Variants in UGT2A3 observed in about 807,000 individuals in gnomAD.
UGT2A3 encodes UDP-glucuronosyltransferase 2A3.
In UGT2A3, 55 loss-of-function variants were observed where a neutral mutation model predicts 44.1. That is an observed-to-expected ratio of 1.25 (90% CI 1.00 to 1.56). The LOEUF (loss-of-function observed/expected upper bound fraction) is 1.56, where lower values mean the gene tolerates loss of function less well. UGT2A3 is among the 40% of genes most tolerant of loss of function. UGT2A3 has a pLI of 0.00. For missense variants in UGT2A3, 733 were observed against 621.6 expected, an observed-to-expected ratio of 1.18 and a Z score of -1.91; for synonymous variants, 243 against 215.1, an observed-to-expected ratio of 1.13 and a Z score of -1.13.
intron 1 of UGT2A3, among the ~76,000 whole-genome samples, chr4:68,946,896 C>T (rs1481078914): frequency 1.3e-5 from 2 of 151,616 alleles, no homozygotes; most frequent in African/African-American, 2.4e-5. Flanking sequence ...AATATCATCA[C>T]GTTTAAAAAG....
chr4:68,947,519 A>T (rs929507485), intron 1 of UGT2A3, among the ~76,000 whole-genome samples: 4 of 151,730 alleles, frequency 2.6e-5, no homozygotes, highest in Middle Eastern at 3.2e-3. Context: ...TTAGAATCAA[A>T]TTTTTTCCAA....
Position 68,929,619 on chromosome 4 carries a change from G to A in UGT2A3, c.*194C>T. On this transcript the variant is annotated 3_prime_UTR_variant, in exon 6 of 6. Transcript: ENST00000251566. ...CCTTGTGTCACAAAGTGAGAGAAGA[G>A]AGTAAAGACACCTAGGAAAATACAA... 3 of 506,298 alleles carry A rather than the reference G, an allele frequency of 5.9e-6. No individual in the cohort carries two copies. The South Asian group carries it at 1.2e-4, about 20-fold the overall frequency. 31.4% of individuals were successfully genotyped at this position (506,298 alleles called of 1,614,324 possible). A position where few individuals can be genotyped will look rare whatever the true frequency, so the allele number is the denominator to read the frequency against.
chr4:68,948,439 CTTTTTTT>C (rs60082800), intron 1 of UGT2A3, among the ~76,000 whole-genome samples: 5 of 110,150 alleles, frequency 4.5e-5, no homozygotes, highest in African/African-American at 1.6e-4. Context: ...TCTTTTTTTT[CTTTTTTT>C]TTTTTTTTTT....
intron 2 of UGT2A3, among the ~76,000 whole-genome samples, chr4:68,944,341 A>C (rs1038760818): frequency 6.6e-6 from 1 of 151,828 alleles, no homozygotes; most frequent in Non-Finnish European, 1.5e-5. Context: ...AGTATCCCGT[A>C]AGAGGTAGAT....
intron 2 of UGT2A3, chr4:68,943,367 G>A: frequency 1.6e-6 from 2 of 1,250,324 alleles, no homozygotes; most frequent in South Asian, 2.7e-5. Context: ...TTGGTTTTCT[G>A]GTATAACTTT....
chr4:68,939,086 A>C lies in UGT2A3; in HGVS notation c.864+6220T>G, dbSNP rs150384776. On this transcript the variant is annotated intron_variant, in intron 2 of 5. Transcript: ENST00000251566. ...ATGGAAGAACATTCCATGCTCATGGATAGGAAGAATTAATATCATGAAAAT... is the reference window on the plus strand; with the variant it reads ...ATGGAAGAACATTCCATGCTCATGGCTAGGAAGAATTAATATCATGAAAAT... Among the ~76,000 whole-genome samples the C allele has an allele frequency of 4.8e-3, 729 of 152,256 alleles. 21 individuals are homozygous for C. In the South Asian group the frequency reaches 0.06, roughly 13 times the overall value.
intron 2 of UGT2A3, among the ~76,000 whole-genome samples, chr4:68,939,128 G>A (rs1718083799): frequency 6.6e-6 from 1 of 152,128 alleles, no homozygotes; most frequent in South Asian, 2.1e-4. Flanking sequence ...ACTGTCCAAG[G>A]TAATTTATAG....
Position 68,930,762 on chromosome 4 carries a change from T to C in UGT2A3, c.1088A>G (p.His363Arg). The change falls in exon 5 of 6, where the codon CAT becomes CGT. Residue 363 changes from histidine (H) to arginine (R), a missense_variant. Transcript: ENST00000251566. ...DWIPQNDLLG[H>R]PKTKAFITHG... ...AGTGATAAAAGCTTTGGTTTTGGGA[T>C]GACCTAGTATGTAAATTGGATGAGA... 1 of 1,576,104 alleles carries C rather than the reference T, an allele frequency of 6.3e-7. No individual in the cohort carries two copies. The highest frequency in any genetic ancestry group is 1.2e-5 in the South Asian group (1 of 84,842).
intron 2 of UGT2A3, 100 bp downstream of exon 2, chr4:68,945,206 G>A (rs1718339259): frequency 5.7e-6 from 8 of 1,396,950 alleles, no homozygotes; most frequent in East Asian, 2.4e-5. Context: ...GCAAACAGAA[G>A]ACATTCAACA....
chr4:68,932,236 T>C (rs1254163899), intron 3 of UGT2A3, among the ~76,000 whole-genome samples: 1 of 151,870 alleles, frequency 6.6e-6, no homozygotes, highest in East Asian at 1.9e-4. Context: ...ACAGTTTTTA[T>C]ACACACAAAT....
In UGT2A3 at chr4:68,929,621, G is replaced by A. The variant is rs1717643031; in HGVS notation, c.*192C>T. On this transcript the variant is annotated 3_prime_UTR_variant, in exon 6 of 6. Transcript: ENST00000251566. ...TTGTGTCACAAAGTGAGAGAAGAGAGTAAAGACACCTAGGAAAATACAACG... is the reference window on the plus strand; with the variant it reads ...TTGTGTCACAAAGTGAGAGAAGAGAATAAAGACACCTAGGAAAATACAACG... 1 of 517,432 alleles carries A rather than the reference G, an allele frequency of 1.9e-6. No homozygotes were observed. Among genetic ancestry groups the A allele is most frequent in the East Asian group, 3.1e-5 (1 of 32,184 alleles). 32.1% of individuals were successfully genotyped at this position (517,432 alleles called of 1,614,324 possible). A position where few individuals can be genotyped will look rare whatever the true frequency, so the allele number is the denominator to read the frequency against.
chr4:68,944,471 T>C (rs1718309146), intron 2 of UGT2A3, among the ~76,000 whole-genome samples: 1 of 151,812 alleles, frequency 6.6e-6, no homozygotes, highest in Non-Finnish European at 1.5e-5. Flanking sequence ...CTATAACAAC[T>C]ATTACTCACT....
In UGT2A3 at chr4:68,951,129, T is replaced by C. The variant is rs1283888548; in HGVS notation, c.632A>G (p.Asn211Ser). The C allele has an allele frequency of 2.5e-6, 4 of 1,611,434 alleles. No homozygotes were observed. Among genetic ancestry groups the C allele is most frequent in the Admixed American group, 3.4e-5 (2 of 59,654 alleles). Residue 211 changes from asparagine to serine, a missense_variant, in exon 1 of 6, where the codon AAT becomes AGT. Transcript: ENST00000251566. ...DRMTFLERVK[N>S]SMLSVLFHFW... ...GTGGAACAAAACTGAAAGCATTGAA[T>C]TTTTTACTCTTTCCAGAAAGGTCAT...
chr4:68,951,329 A>G lies in UGT2A3; in HGVS notation c.432T>C (p.Asp144=). 6.2e-7 allele frequency: 1 copy of G among 1,612,594 alleles called. No individual in the cohort carries two copies. Among genetic ancestry groups the G allele is most frequent in the African/African-American group, 1.3e-5 (1 of 74,946 alleles). The change falls in exon 1 of 6, where the codon GAT becomes GAC. Residue 144 remains aspartate (D), a synonymous_variant. Transcript: ENST00000251566. ...LMKKLQETNY[D]VMLIDPVIPC... ...GAATCACAGGGTCTATAAGCATTAC[A>G]TCGTAGTTGGTTTCCTGTAGCTTCT...
At chr4:68,935,272 G>GTATA (rs57461958) in intron 2 of UGT2A3, among the ~76,000 whole-genome samples, 22 of 89,252 alleles carry the variant, frequency 2.5e-4, no homozygotes, top group East Asian at 1.2e-3. Flanking sequence ...ATGTATGTAT[G>GTATA]TATGTATATA....
chr4:68,929,682 G>T lies in UGT2A3; in HGVS notation c.*131C>A. On this transcript the variant is annotated 3_prime_UTR_variant, in exon 6 of 6. Transcript: ENST00000251566. ...ATATACTCACAACCTCATGATCGTG[G>T]AATTCTAGGCTATATAGCTAAGATA... 1 of 841,678 alleles carries T rather than the reference G, an allele frequency of 1.2e-6. No individual in the cohort carries two copies. The highest frequency in any genetic ancestry group is 1.8e-6 in the Non-Finnish European group (1 of 546,000). 52.1% of individuals were successfully genotyped at this position (841,678 alleles called of 1,614,324 possible). A position where few individuals can be genotyped will look rare whatever the true frequency, so the allele number is the denominator to read the frequency against.
At chr4:68,944,454 TA>T (rs1226043129) in intron 2 of UGT2A3, among the ~76,000 whole-genome samples, 1 of 151,816 alleles carries the variant, frequency 6.6e-6, no homozygotes, top group South Asian at 2.1e-4. Context: ...ACAAAACTAT[TA>T]AAAAACTATA....
At position 68,951,386 on chromosome 4, in the gene UGT2A3, A is replaced by C. The variant is rs1476639693; in HGVS notation, c.375T>G (p.Cys125Trp). 2.6e-5 allele frequency: 42 copies of C among 1,612,326 alleles called. No individual in the cohort carries two copies. The highest frequency in any genetic ancestry group is 3.5e-5 in the Non-Finnish European group (41 of 1,179,232). ...VEIRGTLKMM[C>W]ESFIYNQTLM... is the part of the protein sequence containing the mutation. Reference sequence around the variant, plus strand: ...GCGTCTGATTGTAGATAAAGCTCTCACACATCATTTTTAAAGTTCCTCTTA... The same window carrying C: ...GCGTCTGATTGTAGATAAAGCTCTCCCACATCATTTTTAAAGTTCCTCTTA... Residue 125 changes from cysteine to tryptophan, a missense_variant, in exon 1 of 6, where the codon TGT (cysteine) becomes TGG (tryptophan). Transcript: ENST00000251566.
At position 68,929,660 on chromosome 4, in the gene UGT2A3, T is replaced by C; in HGVS notation, c.*153A>G. On this transcript the variant is annotated 3_prime_UTR_variant, in exon 6 of 6. Transcript: ENST00000251566. ...GAAAATACAACGAAAGAATGAGATA[T>C]ACTCACAACCTCATGATCGTGGAAT... is the stretch of plus-strand genomic sequence containing the variant. 1 of 673,552 alleles carries C rather than the reference T, an allele frequency of 1.5e-6. No individual in the cohort carries two copies. Among genetic ancestry groups the C allele is most frequent in the Admixed American group, 2.9e-5 (1 of 34,422 alleles). The allele number at this position is 673,552 out of a possible 1,614,324, so 41.7% of individuals were successfully genotyped here. A position where few individuals can be genotyped will look rare whatever the true frequency, so the allele number is the denominator to read the frequency against.
Sources: gnomAD v4.1 joint callset for allele counts (sites outside exome capture counted in the v4.1 genomes callset) on GRCh38, gnomAD v4.1.1 for gene constraint, MANE v1.5 for transcripts, NCBI Gene and HGNC (gene_info 2026-07-23, HGNC 2026-07-21) for gene names.